The following PAK3 variants were observed in gnomAD, a reference collection of about 807,000 sequenced individuals.
The protein encoded by PAK3 is p21 (RAC1) activated kinase 3, also known as serine/threonine-protein kinase PAK 3.
PAK3 carries 4 observed loss-of-function variants against 41.0 expected under a neutral mutation model. That is an observed-to-expected ratio of 0.10 (90% CI 0.05 to 0.22). PAK3 has a LOEUF of 0.22. PAK3 is among the 10% of genes least tolerant of loss of function. The probability of loss-of-function intolerance (pLI) is 1.00; values close to 1 mark genes in which losing one functional copy is unlikely to be tolerated. For synonymous variants in PAK3, 146 were observed against 139.6 expected, an observed-to-expected ratio of 1.05 and a Z score of -0.32; for missense variants, 205 against 409.9, an observed-to-expected ratio of 0.50 and a Z score of 4.32.
intron 5 of PAK3, among the ~76,000 whole-genome samples, chrX:111,141,698 G>T (rs2093874922): frequency 8.9e-6 from 1 of 111,820 alleles, no homozygotes; most frequent in Non-Finnish European, 1.9e-5. Flanking sequence ...TTTATTGAAA[G>T]CTGAAGTGCT....
At chrX:110,952,535 G>A (rs975641039) in intron 1 of PAK3, among the ~76,000 whole-genome samples, 1 of 110,440 alleles carries the variant, frequency 9.1e-6, no homozygotes, top group South Asian at 3.9e-4. Flanking sequence ...TTAAAGTGAA[G>A]CTTCCTGATT....
intron 11 of PAK3, among the ~76,000 whole-genome samples, chrX:111,185,028 CA>C (rs2094496284): frequency 9.0e-6 from 1 of 111,722 alleles, no homozygotes; most frequent in Admixed American, 9.5e-5. Context: ...GATGTAAAAG[CA>C]TTCCTATTTC....
chrX:110,945,170 G>A (rs922737469), intron 1 of PAK3, among the ~76,000 whole-genome samples: 1 of 112,062 alleles, frequency 8.9e-6, no homozygotes, highest in Non-Finnish European at 1.9e-5. Context: ...GGTGTGTGTC[G>A]TGGAGATGGT....
intron 1 of PAK3, among the ~76,000 whole-genome samples, chrX:111,025,098 T>C (rs2092249646): frequency 9.0e-6 from 1 of 111,053 alleles, no homozygotes. Context: ...TTATTTGAAC[T>C]GAACAATAAT....
chrX:111,182,706 T>C (rs1359556336), intron 11 of PAK3, among the ~76,000 whole-genome samples: 1 of 111,042 alleles, frequency 9.0e-6, no homozygotes, highest in Non-Finnish European at 1.9e-5. Flanking sequence ...TATATAGATA[T>C]ATAATCTGTT....
At chrX:111,024,754 A>G (rs1207585385) in intron 1 of PAK3, among the ~76,000 whole-genome samples, 2 of 111,367 alleles carry the variant, frequency 1.8e-5, no homozygotes, top group East Asian at 2.8e-4. Context: ...ACAGAAAGTC[A>G]ACAAAGAAAC....
chrX:111,165,829 T>C (rs1485438437), intron 10 of PAK3, among the ~76,000 whole-genome samples: 4 of 111,993 alleles, frequency 3.6e-5, no homozygotes, highest in Non-Finnish European at 5.6e-5. Flanking sequence ...ATTATTTTCT[T>C]GGACCAAAAT....
At chrX:111,064,838 AGTTCT>A (rs1399798055) in intron 1 of PAK3, among the ~76,000 whole-genome samples, 1 of 112,016 alleles carries the variant, frequency 8.9e-6, no homozygotes, top group African/African-American at 3.2e-5. Flanking sequence ...GTTGAATGGT[AGTTCT>A]GTTTTAAGTT....
chrX:111,010,741 A>G (rs916455210), intron 1 of PAK3, among the ~76,000 whole-genome samples: 9 of 111,914 alleles, frequency 8.0e-5, no homozygotes, highest in African/African-American at 2.6e-4. Context: ...TGTTGGTGCC[A>G]TGCTTGTACA....
At chrX:110,973,638 A>G (rs1187181348) in intron 1 of PAK3, among the ~76,000 whole-genome samples, 4 of 112,324 alleles carry the variant, frequency 3.6e-5, no homozygotes, top group African/African-American at 1.3e-4. Flanking sequence ...CATCAATGCT[A>G]TGAAGAAACT....
At chrX:111,205,776 T>A (rs2094739855) in intron 16 of PAK3, among the ~76,000 whole-genome samples, 3 of 111,421 alleles carry the variant, frequency 2.7e-5, no homozygotes, top group South Asian at 7.6e-4. Context: ...AAAATAGAAG[T>A]TGAAATCAGT....
At chrX:111,105,145 T>TACATTCACACTGCCACAAATTC (rs2093229635) in intron 4 of PAK3, among the ~76,000 whole-genome samples, 1 of 111,502 alleles carries the variant, frequency 9.0e-6, no homozygotes, top group Non-Finnish European at 1.9e-5. Context: ...TACATTTAGG[T>TACATTCACACTGCCACAAATTC]ACATTCACAC....
chrX:111,222,359 C>T lies in PAK3; in HGVS notation c.*1912C>T, dbSNP rs1305002364. On this transcript the variant is annotated 3_prime_UTR_variant, in exon 18 of 18. Coordinates refer to ENST00000372007, the MANE Select transcript of PAK3 (RefSeq NM_002578.5). Reference sequence around the variant, plus strand: ...GGAGATGACCCCACTGGTGTATTTCCTATTTTCCCTATTGTTTTCTTTGAC... The same window carrying T: ...GGAGATGACCCCACTGGTGTATTTCTTATTTTCCCTATTGTTTTCTTTGAC... 2 of 111,891 alleles carry T rather than the reference C, an allele frequency of 1.8e-5. No homozygotes were observed. Among genetic ancestry groups the T allele is most frequent in the African/African-American group, 6.5e-5 (2 of 30,795 alleles). 9.2% of individuals were successfully genotyped at this position (111,891 alleles called of 1,213,427 possible).
intron 8 of PAK3, among the ~76,000 whole-genome samples, chrX:111,160,598 T>A (rs1053866807): frequency 1.8e-5 from 2 of 109,226 alleles, no homozygotes; most frequent in Admixed American, 9.7e-5. Context: ...GTATATCACC[T>A]AATGCTATCC....
Position 111,166,738 on chromosome X carries a change from T to C in PAK3, c.766+3011T>C, listed in dbSNP as rs751100759. 7.1e-5 allele frequency among the ~76,000 whole-genome samples: 8 copies of C among 111,961 alleles called. No homozygotes were observed. In the East Asian group the frequency reaches 2.3e-3, roughly 32 times the overall value. On this transcript the variant is annotated intron_variant, in intron 10 of 17. Coordinates refer to ENST00000372007, the MANE Select transcript of PAK3 (RefSeq NM_002578.5). ...GTCACCTAGGGCCAGTTATTTAAAT[T>C]TTCTGGGCCTCCATTTTCTCATCTA...
At chrX:110,999,846 C>T (rs959346102) in intron 1 of PAK3, among the ~76,000 whole-genome samples, 3 of 110,206 alleles carry the variant, frequency 2.7e-5, no homozygotes, top group East Asian at 2.9e-4. Flanking sequence ...TGTTGGCAGG[C>T]GCCTGTAATC....
intron 1 of PAK3, among the ~76,000 whole-genome samples, chrX:110,979,991 C>T (rs1393839852): frequency 2.7e-5 from 3 of 111,744 alleles, no homozygotes; most frequent in South Asian, 3.8e-4. Context: ...TTTGAAGTGC[C>T]CATTTCCTTG....
At chrX:111,063,282 A>T (rs1397524047) in intron 1 of PAK3, among the ~76,000 whole-genome samples, 1 of 112,239 alleles carries the variant, frequency 8.9e-6, no homozygotes, top group Non-Finnish European at 1.9e-5. Flanking sequence ...CAAAAATACT[A>T]TCTACCCCAA....
intron 4 of PAK3, among the ~76,000 whole-genome samples, 162 bp downstream of exon 4, chrX:111,103,468 C>T (rs749749019): frequency 8.0e-5 from 9 of 112,328 alleles, no homozygotes; most frequent in Non-Finnish European, 1.5e-4. Context: ...AGTACAGCTG[C>T]CTTTAGTCTC....
Sources: gnomAD v4.1 joint callset for allele counts (sites outside exome capture counted in the v4.1 genomes callset) on GRCh38, gnomAD v4.1.1 for gene constraint, MANE v1.5 for transcripts, NCBI Gene and HGNC (gene_info 2026-07-23, HGNC 2026-07-21) for gene names.